Variants in GALNT10 observed in about 807,000 individuals in gnomAD.
The protein encoded by GALNT10 is GalNAc transferase 10.
GALNT10 carries 41 observed loss-of-function variants against 75.0 expected under a neutral mutation model. The observed-to-expected ratio is 0.55, with a 90% CI of 0.43 to 0.71. GALNT10 has a LOEUF of 0.71. GALNT10 is among the 30% of genes least tolerant of loss of function. The probability of loss-of-function intolerance (pLI) is 0.00; values close to 1 mark genes in which losing one functional copy is unlikely to be tolerated. For missense variants in GALNT10, 727 were observed against 818.5 expected (o/e 0.89, Z 1.36); for synonymous variants, 302 against 313.0 (o/e 0.96, Z 0.37).
intron 4 of GALNT10, among the ~76,000 whole-genome samples, chr5:154,370,789 G>A (rs1755551742): frequency 6.6e-6 from 1 of 152,162 alleles, no homozygotes; most frequent in Non-Finnish European, 1.5e-5. Flanking sequence ...ATGTACTGCT[G>A]CTTTTAAAGA....
chr5:154,205,785 TG>T (rs1374059555), intron 1 of GALNT10, among the ~76,000 whole-genome samples: 3 of 152,170 alleles, frequency 2.0e-5, no homozygotes, highest in African/African-American at 7.2e-5. Flanking sequence ...GGAGTGATGC[TG>T]CCCTAAGCCA....
At chr5:154,275,972 C>A (rs1753945565) in intron 1 of GALNT10, among the ~76,000 whole-genome samples, 1 of 152,208 alleles carries the variant, frequency 6.6e-6, no homozygotes, top group African/African-American at 2.4e-5. Context: ...CAGAAGATTT[C>A]ATTGCAGCTA....
intron 3 of GALNT10, among the ~76,000 whole-genome samples, chr5:154,309,283 T>C (rs1754934141): frequency 6.6e-6 from 1 of 151,868 alleles, no homozygotes. Flanking sequence ...AGCCTGATGA[T>C]GTGAATGATG....
At chr5:154,285,706 C>T (rs1367397852) in intron 1 of GALNT10, among the ~76,000 whole-genome samples, 8 of 152,172 alleles carry the variant, frequency 5.3e-5, no homozygotes, top group African/African-American at 1.9e-4. Flanking sequence ...CTCCACCCCT[C>T]CTCTTGGCCT....
At chr5:154,287,810 T>G (rs978736390) in intron 1 of GALNT10, among the ~76,000 whole-genome samples, 2 of 152,160 alleles carry the variant, frequency 1.3e-5, no homozygotes, top group African/African-American at 4.8e-5. Context: ...CCAAACTCCC[T>G]TGTTTAAACT....
At chr5:154,329,864 G>T (rs190333946) in intron 4 of GALNT10, 126 bp downstream of exon 4, 4 of 592,592 alleles carry the variant, frequency 6.8e-6, no homozygotes, top group Admixed American at 5.8e-5. Flanking sequence ...ATGCCTGGAC[G>T]TTGCACTGTG....
intron 1 of GALNT10, 138 bp from the exon 2 acceptor site, chr5:154,294,678 T>A: frequency 1.9e-6 from 1 of 525,324 alleles, no homozygotes; most frequent in South Asian, 3.2e-5. Context: ...CCAACAAAGG[T>A]ATGCTGAGGG....
At chr5:154,196,610 C>T (rs1774944249) in intron 1 of GALNT10, among the ~76,000 whole-genome samples, 1 of 151,590 alleles carries the variant, frequency 6.6e-6, no homozygotes, top group African/African-American at 2.4e-5. Flanking sequence ...ATAGCTCTTT[C>T]AGACCTCAGA....
Position 154,371,537 on chromosome 5 carries a change from A to AGTGTGTGT in GALNT10, c.569-4721_569-4714dup, listed in dbSNP as rs757305979. ...GAGCCAGAGGCCCCAGACACACCAC[A>AGTGTGTGT]GTGTGTGTGTGTGTGTGTGTGTGTG... On this transcript the variant is annotated intron_variant, in intron 4 of 11. Transcript: ENST00000297107. Among the ~76,000 whole-genome samples the AGTGTGTGT allele has an allele frequency of 8.0e-3, 570 of 70,886 alleles. 1 individual carries two copies. Among genetic ancestry groups the AGTGTGTGT allele is most frequent in the Non-Finnish European group, 0.015 (372 of 24,572 alleles). The allele number at this position is 70,886 out of a possible 152,430, so 46.5% of individuals were successfully genotyped here.
intron 8 of GALNT10, among the ~76,000 whole-genome samples, chr5:154,404,824 CT>C (rs565833585): frequency 2.2e-4 from 33 of 152,322 alleles, no homozygotes; most frequent in African/African-American, 7.9e-4. Flanking sequence ...TCCTCACCCC[CT>C]GTCTACTCTT....
chr5:154,245,048 A>C (rs1753399373), intron 1 of GALNT10, among the ~76,000 whole-genome samples: 1 of 152,324 alleles, frequency 6.6e-6, no homozygotes, highest in Middle Eastern at 3.4e-3. Flanking sequence ...AAGCTCATGC[A>C]GCAAAATGAG....
Position 154,417,919 on chromosome 5 carries a change from CAG to C in GALNT10, c.*950_*951del, listed in dbSNP as rs1756548340. The C allele has an allele frequency of 6.6e-6, 1 of 152,232 alleles. No individual in the cohort carries two copies. Among genetic ancestry groups the C allele is most frequent in the Admixed American group, 6.5e-5 (1 of 15,278 alleles). The allele number at this position is 152,232 out of a possible 1,614,324, so 9.4% of individuals were successfully genotyped here. A position where few individuals can be genotyped will look rare whatever the true frequency, so the allele number is the denominator to read the frequency against. On this transcript the variant is annotated 3_prime_UTR_variant, in exon 12 of 12. Transcript: ENST00000297107. ...GAGGTGCTGCGAGGTGCTCACCTCA[CAG>C]AGTCTGGAGGCCTCCAGGATCAACT...
intron 1 of GALNT10, among the ~76,000 whole-genome samples, chr5:154,253,290 G>A (rs550735952): frequency 1.0e-4 from 15 of 149,630 alleles, no homozygotes; most frequent in Non-Finnish European, 2.1e-4. Context: ...ATTATCGCGA[G>A]GACAAAAAAC....
chr5:154,244,402 A>C (rs902968328), intron 1 of GALNT10, among the ~76,000 whole-genome samples: 2 of 152,078 alleles, frequency 1.3e-5, no homozygotes, highest in African/African-American at 4.8e-5. Flanking sequence ...TCCTGTCTCT[A>C]AAAAATTTTT....
At position 154,294,798 on chromosome 5, in the gene GALNT10, T is replaced by C; in HGVS notation, c.160-18T>C. 1 of 1,364,106 alleles carries C rather than the reference T, an allele frequency of 7.3e-7. No homozygotes were observed. Among genetic ancestry groups the C allele is most frequent in the Non-Finnish European group, 1.0e-6 (1 of 952,758 alleles). The allele number at this position is 1,364,106 out of a possible 1,614,324, so 84.5% of individuals were successfully genotyped here. A position where few individuals can be genotyped will look rare whatever the true frequency, so the allele number is the denominator to read the frequency against. ...ATTTGCCCTTTTCTATTTTTCATAG[T>C]TTTTGTCTTTTTTTAAGGGCTCACA... On this transcript the variant is annotated intron_variant, in intron 1 of 11. Transcript: ENST00000297107.
chr5:154,277,549 T>G (rs890073876), intron 1 of GALNT10, among the ~76,000 whole-genome samples: 1 of 152,060 alleles, frequency 6.6e-6, no homozygotes, highest in Non-Finnish European at 1.5e-5. Context: ...TCTACTATAG[T>G]AATCCTGAGA....
At chr5:154,356,047 T>TGGTATTTAG in intron 4 of GALNT10, 1 of 441,496 alleles carries the variant, frequency 2.3e-6, no homozygotes. Flanking sequence ...TGAAAGCCTC[T>TGGTATTTAG]GTTTTGGTAT....
At chr5:154,270,618 G>T (rs1753846959) in intron 1 of GALNT10, among the ~76,000 whole-genome samples, 1 of 152,126 alleles carries the variant, frequency 6.6e-6, no homozygotes, top group Non-Finnish European at 1.5e-5. Flanking sequence ...CCTCCAGTCA[G>T]CTGGATGAAG....
intron 1 of GALNT10, among the ~76,000 whole-genome samples, chr5:154,265,904 TA>T (rs10651176): frequency 6.0e-5 from 9 of 149,560 alleles, no homozygotes; most frequent in Non-Finnish European, 7.4e-5. Context: ...TCAATCTCAT[TA>T]AAAAAAAAAA....
Sources: gnomAD v4.1 joint callset for allele counts (sites outside exome capture counted in the v4.1 genomes callset) on GRCh38, gnomAD v4.1.1 for gene constraint, MANE v1.5 for transcripts, NCBI Gene and HGNC (gene_info 2026-07-23, HGNC 2026-07-21) for gene names.